FILIP1: variants seen among roughly 807,000 people sequenced by gnomAD.
FILIP1 encodes filamin-A-interacting protein 1.
FILIP1 carries 61 observed loss-of-function variants against 102.1 expected under a neutral mutation model. The ratio of observed to expected loss-of-function variants is 0.60; its 90% CI spans 0.49 to 0.74. The LOEUF (loss-of-function observed/expected upper bound fraction) is 0.74. Ranked by LOEUF, FILIP1 falls within the 30% of genes least tolerant of loss-of-function variation. The probability of loss-of-function intolerance (pLI) is 0.00; values close to 1 mark genes in which losing one functional copy is unlikely to be tolerated. For synonymous variants in FILIP1, 491 were observed against 526.9 expected, an observed-to-expected ratio of 0.93 and a Z score of 0.93; for missense variants, 1,314 against 1,441.2, an observed-to-expected ratio of 0.91 and a Z score of 1.43.
At chr6:75,309,824 T>A (rs1773118243) in intron 5 of FILIP1, among the ~76,000 whole-genome samples, 1 of 152,178 alleles carries the variant, frequency 6.6e-6, no homozygotes, top group Non-Finnish European at 1.5e-5. Flanking sequence ...CTTCACTATA[T>A]CTCTGTCCTC....
chr6:75,319,933 A>T (rs1470909800), intron 4 of FILIP1: 4 of 448,158 alleles, frequency 8.9e-6, no homozygotes, highest in Non-Finnish European at 1.6e-5. Context: ...CAAAGAATGC[A>T]TATCATGACA....
At chr6:75,470,239 TCAA>T (rs1779292060) in intron 1 of FILIP1, among the ~76,000 whole-genome samples, 2 of 152,036 alleles carry the variant, frequency 1.3e-5, no homozygotes, top group South Asian at 4.1e-4. Flanking sequence ...CATAAAAAAA[TCAA>T]CGACTTTTCT....
intron 4 of FILIP1, among the ~76,000 whole-genome samples, chr6:75,330,161 C>A (rs1774025248): frequency 6.6e-6 from 1 of 152,036 alleles, no homozygotes; most frequent in African/African-American, 2.4e-5. Flanking sequence ...TTAAATAGTT[C>A]ATTAAAATAT....
downstream of FILIP1, among the ~76,000 whole-genome samples, chr6:75,304,604 A>C (rs932990363): frequency 1.1e-4 from 16 of 152,368 alleles, no homozygotes; most frequent in African/African-American, 3.6e-4. Context: ...ATGTAATCAT[A>C]TTGGGAAAAT....
chr6:75,329,286 G>A (rs1050764166), intron 4 of FILIP1, among the ~76,000 whole-genome samples: 20 of 152,194 alleles, frequency 1.3e-4, no homozygotes, highest in African/African-American at 4.6e-4. Context: ...AGATTTCAGG[G>A]CTCCTTTTGC....
intron 1 of FILIP1, among the ~76,000 whole-genome samples, chr6:75,422,691 T>C (rs192836175): frequency 1.3e-5 from 2 of 152,318 alleles, no homozygotes; most frequent in Non-Finnish European, 2.9e-5. Flanking sequence ...GAAGAGCTTA[T>C]GATGCACTGA....
At chr6:75,345,136 G>C (rs972597558) in intron 4 of FILIP1, among the ~76,000 whole-genome samples, 2 of 152,050 alleles carry the variant, frequency 1.3e-5, no homozygotes, top group African/African-American at 4.8e-5. Context: ...TTCCTACATA[G>C]CTTGTTGAAA....
intron 2 of FILIP1, among the ~76,000 whole-genome samples, chr6:75,365,349 T>C (rs967487758): frequency 4.3e-4 from 43 of 99,282 alleles, no homozygotes; most frequent in African/African-American, 1.5e-3. Flanking sequence ...GGTTTTTTTG[T>C]TTGTTTGTTT....
chr6:75,453,890 A>T (rs1429317999), intron 1 of FILIP1: 2 of 453,000 alleles, frequency 4.4e-6, no homozygotes, highest in African/African-American at 4.0e-5. Context: ...CAAATACACA[A>T]TAAGTCATAA....
At chr6:75,441,026 G>C (rs540208933) in intron 1 of FILIP1, among the ~76,000 whole-genome samples, 2 of 147,538 alleles carry the variant, frequency 1.4e-5, no homozygotes, top group Non-Finnish European at 3.0e-5. Context: ...GGTGTTTCTC[G>C]CAGAGGGGGA....
Position 75,401,683 on chromosome 6 carries a change from C to T in FILIP1, c.276+13014G>A, listed in dbSNP as rs921052651. Among the ~76,000 whole-genome samples the T allele has an allele frequency of 1.1e-4, 17 of 152,092 alleles. 1 individual carries two copies. The highest frequency in any genetic ancestry group is 2.7e-4 in the African/African-American group (11 of 41,412). On this transcript the variant is annotated intron_variant, in intron 2 of 5. Coordinates refer to ENST00000237172, the MANE Select transcript of FILIP1 (RefSeq NM_015687.5). ...AACATTTCCTTCTTCAAATAAAGTCCTATTGTACAGCACAGGTCTAGACCT... is the reference window on the plus strand; with the variant it reads ...AACATTTCCTTCTTCAAATAAAGTCTTATTGTACAGCACAGGTCTAGACCT...
At chr6:75,311,497 T>C (rs1040513981) in intron 5 of FILIP1, among the ~76,000 whole-genome samples, 3 of 151,956 alleles carry the variant, frequency 2.0e-5, no homozygotes, top group Non-Finnish European at 2.9e-5. Context: ...GTTTGTTTGT[T>C]TGTTTGCTTG....
chr6:75,422,129 T>C (rs1332603692), intron 1 of FILIP1, among the ~76,000 whole-genome samples: 1 of 152,154 alleles, frequency 6.6e-6, no homozygotes, highest in East Asian at 1.9e-4. Context: ...CATAATGACA[T>C]AATTTTTTCT....
intron 2 of FILIP1, among the ~76,000 whole-genome samples, chr6:75,400,753 G>A (rs1266924633): frequency 6.6e-6 from 1 of 152,112 alleles, no homozygotes; most frequent in African/African-American, 2.4e-5. Flanking sequence ...AGATATGTTA[G>A]TATGGGAAGG....
intron 1 of FILIP1, among the ~76,000 whole-genome samples, chr6:75,416,431 T>A (rs1406389617): frequency 2.6e-5 from 4 of 152,116 alleles, no homozygotes; most frequent in Non-Finnish European, 4.4e-5. Flanking sequence ...GTTCACTCAA[T>A]GATTAGTTCC....
exon 7 of FILIP1, chr6:75,292,952 C>G (rs1300582023): frequency 6.6e-6 from 1 of 152,120 alleles, no homozygotes; most frequent in Non-Finnish European, 1.5e-5. Context: ...AGATTCCACA[C>G]CATGAATTTT....
At chr6:75,364,173 CA>C (rs1174252853) in intron 2 of FILIP1, among the ~76,000 whole-genome samples, 1 of 152,016 alleles carries the variant, frequency 6.6e-6, no homozygotes, top group Non-Finnish European at 1.5e-5. Context: ...CACTTCAAGA[CA>C]AAAATGGAAA....
chr6:75,358,591 T>G (rs1041242356), intron 3 of FILIP1: 1 of 152,182 alleles, frequency 6.6e-6, no homozygotes, highest in Admixed American at 6.5e-5. Flanking sequence ...ATATAAAATA[T>G]GAACAGATTT....
At chr6:75,356,766 G>A (rs1430734582) in intron 3 of FILIP1, among the ~76,000 whole-genome samples, 1 of 152,100 alleles carries the variant, frequency 6.6e-6, no homozygotes, top group African/African-American at 2.4e-5. Context: ...ACCGCGGCTG[G>A]TCAATTTTTG....
Sources: gnomAD v4.1 joint callset for allele counts (sites outside exome capture counted in the v4.1 genomes callset) on GRCh38, gnomAD v4.1.1 for gene constraint, MANE v1.5 for transcripts, NCBI Gene and HGNC (gene_info 2026-07-23, HGNC 2026-07-21) for gene names.